Variants in FGF12 observed in about 807,000 individuals in gnomAD.
FGF12 encodes fibroblast growth factor 12, also known as fibroblast growth factor 12B.
FGF12 carries 14 observed loss-of-function variants against 23.6 expected under a neutral mutation model. The ratio of observed to expected loss-of-function variants is 0.59; its 90% confidence interval spans 0.39 to 0.93. The LOEUF is 0.93. FGF12 is among the 40% of genes least tolerant of loss of function. FGF12 has a pLI of 0.00. For missense variants in FGF12, 175 were observed against 217.8 expected, an observed-to-expected ratio of 0.80 and a Z score of 1.24; for synonymous variants, 62 against 77.3, an observed-to-expected ratio of 0.80 and a Z score of 1.04.
intron 2 of FGF12, among the ~76,000 whole-genome samples, chr3:192,694,267 A>G (rs1186187160): frequency 6.6e-6 from 1 of 152,192 alleles, no homozygotes; most frequent in Non-Finnish European, 1.5e-5. Flanking sequence ...GGTGGTGAGA[A>G]AGGAGAACAG....
chr3:192,651,275 G>T (rs1716205382), intron 2 of FGF12, among the ~76,000 whole-genome samples: 1 of 152,174 alleles, frequency 6.6e-6, no homozygotes, highest in Non-Finnish European at 1.5e-5. Context: ...GGTGAATTGG[G>T]TACAAACCAG....
In FGF12 at chr3:192,345,603, C is replaced by A; in HGVS notation, c.125-10139G>T. On this transcript the variant is annotated intron_variant, in intron 3 of 5. Coordinates refer to ENST00000445105, the MANE Select transcript of FGF12 (RefSeq NM_004113.6). ...TCGGGAGGCTGAGGCAGGGGAATGG[C>A]GTGAACCCGGGAGGCGGAGCTTGCA... is the stretch of plus-strand genomic sequence containing the variant. Among the ~76,000 whole-genome samples the A allele has an allele frequency of 4.0e-5, 2 of 49,852 alleles. 1 individual carries two copies. The highest frequency in any genetic ancestry group is 1.4e-3 in the South Asian group (2 of 1,474). The allele number at this position is 49,852 out of a possible 152,430, so 32.7% of individuals were successfully genotyped here.
chr3:192,283,851 T>C (rs998313523), intron 4 of FGF12, among the ~76,000 whole-genome samples: 2 of 152,056 alleles, frequency 1.3e-5, no homozygotes, highest in African/African-American at 4.8e-5. Context: ...TATTTCCACG[T>C]GGTCAGCACT....
chr3:192,308,206 GAACA>G (rs1002011144), intron 4 of FGF12, among the ~76,000 whole-genome samples: 38 of 152,128 alleles, frequency 2.5e-4, no homozygotes, highest in African/African-American at 9.2e-4. Flanking sequence ...GACAGTAAAA[GAACA>G]AACAAGTAAA....
At chr3:192,507,125 C>T (rs1369138649) in intron 2 of FGF12, among the ~76,000 whole-genome samples, 2 of 151,974 alleles carry the variant, frequency 1.3e-5, no homozygotes, top group African/African-American at 2.4e-5. Flanking sequence ...ATCTCCTGAC[C>T]TCGTGATCTG....
At chr3:192,186,529 A>C (rs1716480141) in intron 4 of FGF12, among the ~76,000 whole-genome samples, 2 of 152,246 alleles carry the variant, frequency 1.3e-5, no homozygotes, top group Admixed American at 1.3e-4. Context: ...TTTCAGGAAT[A>C]TCGAATGAAT....
At chr3:192,226,676 AT>A (rs1718752416) in intron 4 of FGF12, among the ~76,000 whole-genome samples, 1 of 152,152 alleles carries the variant, frequency 6.6e-6, no homozygotes, top group Non-Finnish European at 1.5e-5. Context: ...CCTGAGTGGG[AT>A]TAGTGTCCTT....
chr3:192,384,041 A>G (rs13077424), intron 2 of FGF12, among the ~76,000 whole-genome samples: 1,932 of 152,336 alleles, frequency 0.013, 24 homozygotes, highest in Non-Finnish European at 0.02. Flanking sequence ...ATGGGAGTAA[A>G]GACTGTTTCA....
rs114126137 is a variant in FGF12, at chr3:192,195,870, C to T, written c.229-25214G>A. Among the ~76,000 whole-genome samples, 1,497 of 152,132 alleles carry T rather than the reference C, an allele frequency of 9.8e-3. 28 individuals carry two copies. Among genetic ancestry groups the T allele is most frequent in the African/African-American group, 0.034 (1,427 of 41,502 alleles). ...CTAGTTATCACTTTTGTGGTAAGAC[C>T]ACTTAACATCCACTTTGCATTTTTC... On this transcript the variant is annotated intron_variant, in intron 4 of 5. Transcript: ENST00000445105.
intron 4 of FGF12, among the ~76,000 whole-genome samples, chr3:192,253,475 A>G (rs934990046): frequency 2.0e-5 from 3 of 152,140 alleles, no homozygotes; most frequent in African/African-American, 7.2e-5. Context: ...AAAAAAATGG[A>G]AAGAGAAAAG....
At chr3:192,664,607 A>AAAAAAAAAAAAAAAAAG (rs1716793218) in intron 2 of FGF12, among the ~76,000 whole-genome samples, 1 of 142,550 alleles carries the variant, frequency 7.0e-6, no homozygotes, top group Admixed American at 7.0e-5. Flanking sequence ...AAAAAATACA[A>AAAAAAAAAAAAAAAAAG]AAAAAAAAAA....
At chr3:192,318,020 A>G (rs904300450) in intron 4 of FGF12, among the ~76,000 whole-genome samples, 1 of 152,248 alleles carries the variant, frequency 6.6e-6, no homozygotes, top group Admixed American at 6.5e-5. Context: ...AAGACCCACA[A>G]CATTACTAGG....
chr3:192,273,137 A>G (rs899980505), intron 4 of FGF12, among the ~76,000 whole-genome samples: 3 of 152,178 alleles, frequency 2.0e-5, no homozygotes, highest in Non-Finnish European at 2.9e-5. Context: ...TCCTTTCATA[A>G]GAAAATCAAT....
At chr3:192,386,280 A>G (rs1200279392) in intron 2 of FGF12, among the ~76,000 whole-genome samples, 11 of 152,164 alleles carry the variant, frequency 7.2e-5, no homozygotes, top group Admixed American at 7.2e-4. Flanking sequence ...ATTTATATCT[A>G]TGTTGGTGTG....
At chr3:192,268,608 G>T in intron 4 of FGF12, 1 of 382,758 alleles carries the variant, frequency 2.6e-6, no homozygotes, top group East Asian at 9.5e-5. Flanking sequence ...AAAAGTGTGT[G>T]GCTTCTCCCC....
intron 2 of FGF12, among the ~76,000 whole-genome samples, chr3:192,434,107 A>T (rs1284419421): frequency 6.6e-6 from 1 of 152,222 alleles, no homozygotes; most frequent in Non-Finnish European, 1.5e-5. Flanking sequence ...GAGTGGAAAA[A>T]GATAGCAACC....
chr3:192,491,029 T>C (rs560208704), intron 2 of FGF12, among the ~76,000 whole-genome samples: 2 of 152,290 alleles, frequency 1.3e-5, no homozygotes, highest in South Asian at 4.1e-4. Flanking sequence ...CTGTATGTGA[T>C]ATTTAAAGAA....
chr3:192,634,119 T>C (rs1277119564), intron 2 of FGF12, among the ~76,000 whole-genome samples: 5 of 149,226 alleles, frequency 3.4e-5, no homozygotes, highest in African/African-American at 1.3e-4. Context: ...CATACTTTAT[T>C]CTTCCTTCCT....
At chr3:192,632,781 G>A (rs925617827) in intron 2 of FGF12, among the ~76,000 whole-genome samples, 3 of 152,146 alleles carry the variant, frequency 2.0e-5, no homozygotes, top group African/African-American at 4.8e-5. Context: ...TAACAAAGTA[G>A]CACAAAGGGG....
Sources: allele counts gnomAD v4.1 joint callset (sites outside exome capture counted in the v4.1 genomes callset), GRCh38; gene constraint gnomAD v4.1.1; transcripts MANE v1.5; gene names NCBI Gene and HGNC (gene_info 2026-07-23, HGNC 2026-07-21).